The following AP1M2 variants were observed in gnomAD, a reference collection of about 807,000 sequenced individuals.
AP1M2 encodes the protein AP-1 complex subunit mu-2.
In AP1M2, 41 loss-of-function variants were observed where a neutral mutation model predicts 54.6. The ratio of observed to expected loss-of-function variants is 0.75; its 90% CI spans 0.59 to 0.97. The LOEUF (loss-of-function observed/expected upper bound fraction) is 0.97. Among genes scored for constraint, AP1M2 ranks in the 50% least tolerant of loss-of-function variants. The pLI is 0.00. For missense variants in AP1M2, 507 were observed against 561.2 expected, an observed-to-expected ratio of 0.90 and a Z score of 0.98; for synonymous variants, 219 against 215.9, an observed-to-expected ratio of 1.01 and a Z score of -0.13.
intron 7 of AP1M2, among the ~76,000 whole-genome samples, chr19:10,579,352 C>T (rs1417900461): frequency 6.6e-6 from 1 of 151,994 alleles, no homozygotes; most frequent in Non-Finnish European, 1.5e-5. Flanking sequence ...GGAGGCGGAG[C>T]TTGCAGTGAG....
intron 8 of AP1M2, 62 bp downstream of exon 8, chr19:10,578,830 G>T: frequency 7.2e-7 from 1 of 1,384,274 alleles, no homozygotes; most frequent in Non-Finnish European, 1.0e-6. Flanking sequence ...GGGATTACAG[G>T]TGTGAGCCAC....
At position 10,577,197 on chromosome 19, in the gene AP1M2, C is replaced by T; in HGVS notation, c.1047+1G>A. 5 of 1,604,702 alleles carry T rather than the reference C, an allele frequency of 3.1e-6. No individual in the cohort carries two copies. The highest frequency in any genetic ancestry group is 4.3e-6 in the Non-Finnish European group (5 of 1,175,352). ...ATCCCCCGCCAGTCCCTGGTACTTACCGGGAAAGACTTAATACTCCAAATC... is the reference window on the plus strand; with the variant it reads ...ATCCCCCGCCAGTCCCTGGTACTTATCGGGAAAGACTTAATACTCCAAATC... On this transcript the variant is annotated splice_donor_variant, in intron 9 of 11. Coordinates refer to ENST00000250244, the MANE Select transcript of AP1M2 (RefSeq NM_005498.5). LOFTEE classifies it high-confidence loss of function.
chr19:10,579,184 A>T (rs1917351380), intron 7 of AP1M2, among the ~76,000 whole-genome samples: 1 of 151,952 alleles, frequency 6.6e-6, no homozygotes, highest in Non-Finnish European at 1.5e-5. Flanking sequence ...TGGGAGGCCA[A>T]GGTGGGCGGA....
chr19:10,587,071 A>C, intron 1 of AP1M2, 119 bp downstream of exon 1: 1 of 1,142,132 alleles, frequency 8.8e-7, no homozygotes, highest in Non-Finnish European at 1.2e-6. Flanking sequence ...ATTCCCAGGG[A>C]TTGCAGGGGG....
At chr19:10,582,986 C>T (rs191517424) in intron 3 of AP1M2, among the ~76,000 whole-genome samples, 4 of 151,610 alleles carry the variant, frequency 2.6e-5, no homozygotes, top group Admixed American at 6.6e-5. Context: ...CCACCATACC[C>T]GGCTAATTTT....
At position 10,581,353 on chromosome 19, in the gene AP1M2, C is replaced by G. The variant is rs767681090; in HGVS notation, c.586G>C (p.Gly196Arg). 1.6e-5 allele frequency: 26 copies of G among 1,613,310 alleles called. No homozygotes were observed. Among genetic ancestry groups the G allele is most frequent in the Non-Finnish European group, 2.0e-5 (24 of 1,179,462 alleles). ...NGSVLLSEIV[G>R]TIKLKVFLSG... ...AGAAACACCTTGAGCTTGATGGTAC[C>G]GACGATTTCGCTCAGAAGGACGCTG... is the stretch of plus-strand genomic sequence containing the variant. Residue 196 changes from glycine (G) to arginine (R), a missense_variant, in exon 6 of 12, where the codon GGT becomes CGT. Gly to Arg is a moderately radical substitution (Grantham distance 125). Coordinates refer to ENST00000250244, the MANE Select transcript of AP1M2 (RefSeq NM_005498.5).
Position 10,573,054 on chromosome 19 carries a change from C to T in AP1M2, c.*12G>A, listed in dbSNP as rs1239723838. 6.4e-7 allele frequency: 1 copy of T among 1,563,100 alleles called. No homozygotes were observed. Among genetic ancestry groups the T allele is most frequent in the Non-Finnish European group, 8.7e-7 (1 of 1,153,446 alleles). Reference sequence around the variant, plus strand: ...GGAAGCCCCGTGTTCAAGCCCCCATCTCTTCTCCCTTCTAGCTGGTACGAA... The same window carrying T: ...GGAAGCCCCGTGTTCAAGCCCCCATTTCTTCTCCCTTCTAGCTGGTACGAA... On this transcript the variant is annotated 3_prime_UTR_variant, in exon 12 of 12. Coordinates refer to ENST00000250244, the MANE Select transcript of AP1M2 (RefSeq NM_005498.5).
In AP1M2 at chr19:10,572,930, T is replaced by G. The variant is rs768759549; in HGVS notation, c.*136A>C. The G allele has an allele frequency of 7.4e-6, 6 of 810,320 alleles. No individual in the cohort carries two copies. The highest frequency in any genetic ancestry group is 2.0e-6 in the Non-Finnish European group (1 of 497,366). The allele number at this position is 810,320 out of a possible 1,614,324, so 50.2% of individuals were successfully genotyped here. A position where few individuals can be genotyped will look rare whatever the true frequency, so the allele number is the denominator to read the frequency against. On this transcript the variant is annotated 3_prime_UTR_variant, in exon 12 of 12. Coordinates refer to ENST00000250244, the MANE Select transcript of AP1M2 (RefSeq NM_005498.5). ...AAGGAAGAGGTGAGGAAGGGGCGGG[T>G]GCTGGGAGCAAGAAACTGCCAAGTC...
In AP1M2 at chr19:10,572,862, G is replaced by C. The variant is rs76022886; in HGVS notation, c.*204C>G. On this transcript the variant is annotated 3_prime_UTR_variant, in exon 12 of 12. Coordinates refer to ENST00000250244, the MANE Select transcript of AP1M2 (RefSeq NM_005498.5). ...ATCAGGGGGATGGGGAAAGCTCCAA[G>C]GGCGAGGGAAGCAGAGAGAGTTTCT... 338 of 522,228 alleles carry C rather than the reference G, an allele frequency of 6.5e-4. 2 individuals are homozygous for C. The highest frequency in any genetic ancestry group is 2.1e-3 in the Middle Eastern group (4 of 1,916). 32.3% of individuals were successfully genotyped at this position (522,228 alleles called of 1,614,324 possible).
intron 7 of AP1M2, 52 bp from the exon 8 acceptor site, chr19:10,579,015 C>CTT (rs749676329): frequency 0.015 from 10,985 of 734,266 alleles, no homozygotes; most frequent in South Asian, 0.025. Context: ...TGACTCTCTT[C>CTT]TTTTTTTTTT....
At chr19:10,576,494 C>G (rs1160414517) in intron 9 of AP1M2, among the ~76,000 whole-genome samples, 1 of 151,968 alleles carries the variant, frequency 6.6e-6, no homozygotes, top group East Asian at 1.9e-4. Flanking sequence ...GATCTCCTGA[C>G]CTCGTGATCC....
intron 6 of AP1M2, 62 bp downstream of exon 6, chr19:10,581,204 C>T (rs1051961547): frequency 3.9e-6 from 6 of 1,548,068 alleles, no homozygotes; most frequent in African/African-American, 2.7e-5. Flanking sequence ...TAAGTCCCCA[C>T]GTGGGGCGGG....
At position 10,581,818 on chromosome 19, in the gene AP1M2, C is replaced by T. The variant is rs746080407; in HGVS notation, c.328G>A (p.Val110Ile). 5.9e-5 allele frequency: 95 copies of T among 1,613,894 alleles called. No homozygotes were observed. The South Asian group carries it at 7.1e-4, about 12-fold the overall frequency. Reference sequence around the variant, plus strand: ...ATGAGCTCGTCCAGCAACTCGTAGACGATGACAAAGTTGTCCCGGATGCTC... The same window carrying T: ...ATGAGCTCGTCCAGCAACTCGTAGATGATGACAAAGTTGTCCCGGATGCTC... The part of the protein sequence containing the change: ...EESIRDNFVI[V>I]YELLDELMDF... Residue 110 changes from valine (V) to isoleucine (I), a missense_variant, in exon 4 of 12, where the codon GTC becomes ATC. Val to Ile is a conservative substitution (Grantham distance 29). Coordinates refer to ENST00000250244, the MANE Select transcript of AP1M2 (RefSeq NM_005498.5).
chr19:10,577,734 C>CTT (rs61052727), intron 8 of AP1M2, among the ~76,000 whole-genome samples: 13 of 113,510 alleles, frequency 1.1e-4, no homozygotes, highest in Non-Finnish European at 1.4e-4. Flanking sequence ...CATGCTTGGC[C>CTT]TTTTTTTTTT....
chr19:10,585,307 G>GA (rs1262975086), intron 1 of AP1M2, among the ~76,000 whole-genome samples: 1 of 145,384 alleles, frequency 6.9e-6, no homozygotes, highest in Non-Finnish European at 1.5e-5. Flanking sequence ...AAGAAAGAAA[G>GA]AAAGAAAGAA....
intron 9 of AP1M2, among the ~76,000 whole-genome samples, chr19:10,575,504 T>G (rs1284062417): frequency 6.6e-6 from 1 of 152,100 alleles, no homozygotes; most frequent in Non-Finnish European, 1.5e-5. Context: ...CCTGCCCATT[T>G]CACAGACAGG....
intron 3 of AP1M2, 193 bp downstream of exon 3, chr19:10,583,413 T>G: frequency 2.3e-6 from 1 of 437,342 alleles, no homozygotes; most frequent in Admixed American, 3.6e-5. Flanking sequence ...GGCAGTAGGA[T>G]TGCTTCAATC....
rs548736382 is a variant in AP1M2, at chr19:10,573,217, G to A, written c.1250-129C>T. 6.1e-5 allele frequency: 49 copies of A among 799,418 alleles called. No individual in the cohort carries two copies. The African/African-American group carries it at 6.8e-4, about 11-fold the overall frequency. The allele number at this position is 799,418 out of a possible 1,614,324, so 49.5% of individuals were successfully genotyped here. A position where few individuals can be genotyped will look rare whatever the true frequency, so the allele number is the denominator to read the frequency against. ...GTGGATCACTTGAGGTCAGGGGTTCGAGACCAGCCTGGCCAACATGGTGAA... is the reference window on the plus strand; with the variant it reads ...GTGGATCACTTGAGGTCAGGGGTTCAAGACCAGCCTGGCCAACATGGTGAA... On this transcript the variant is annotated intron_variant, in intron 11 of 11. Transcript: ENST00000250244.
At chr19:10,585,276 GAAGAAAAAAAGAAAGA>G (rs757178482) in intron 1 of AP1M2, among the ~76,000 whole-genome samples, 6,068 of 77,360 alleles carry the variant, frequency 0.078, 592 homozygotes, top group African/African-American at 0.14. Context: ...AAGAAAGAAA[GAAGAAAAAAAGAAAGA>G]AAGAAAGAAA....
Sources: gnomAD v4.1 joint callset for allele counts (sites outside exome capture counted in the v4.1 genomes callset) on GRCh38, gnomAD v4.1.1 for gene constraint, MANE v1.5 for transcripts, NCBI Gene and HGNC (gene_info 2026-07-23, HGNC 2026-07-21) for gene names.